The following C2CD3 variants were observed in gnomAD, a reference collection of about 807,000 sequenced individuals.
C2CD3 encodes C2 domain containing 3 centriole elongation regulator, also known as C2 domain-containing protein 3.
C2CD3 carries 148 observed loss-of-function variants against 234.0 expected under a neutral mutation model. That is an observed-to-expected ratio of 0.63 (90% CI 0.55 to 0.72). The LOEUF is 0.72. Ranked by LOEUF, C2CD3 falls within the 30% of genes least tolerant of loss-of-function variation. The pLI, the probability that C2CD3 is intolerant of heterozygous loss-of-function variation, is 0.00. For missense variants in C2CD3, 2,577 were observed against 2,811.5 expected, an observed-to-expected ratio of 0.92 and a Z score of 1.89; for synonymous variants, 1,000 against 1,035.4, an observed-to-expected ratio of 0.97 and a Z score of 0.66.
chr11:74,093,799 G>A lies in C2CD3; in HGVS notation c.3344+17C>T. On this transcript the variant is annotated intron_variant, in intron 18 of 32. Transcript: ENST00000334126. ...CACTTCCTTCCTAGGCATAGGACTGGGGTCTCCACACTGTACCTGCACCAG... is the reference window on the plus strand; with the variant it reads ...CACTTCCTTCCTAGGCATAGGACTGAGGTCTCCACACTGTACCTGCACCAG... 6.2e-7 allele frequency: 1 copy of A among 1,607,624 alleles called. No homozygotes were observed. The highest frequency in any genetic ancestry group is 8.5e-7 in the Non-Finnish European group (1 of 1,175,092).
chr11:74,017,105 G>A (rs1951907833), intron 32 of C2CD3, among the ~76,000 whole-genome samples: 2 of 152,312 alleles, frequency 1.3e-5, no homozygotes, highest in South Asian at 2.1e-4. Flanking sequence ...TGAGCTGCAG[G>A]TATGGAGAAC....
chr11:74,041,047 TG>T (rs1300747129), intron 29 of C2CD3, among the ~76,000 whole-genome samples: 1 of 151,896 alleles, frequency 6.6e-6, no homozygotes, highest in Non-Finnish European at 1.5e-5. Flanking sequence ...GAAATCTGTA[TG>T]GGTAACTTTT....
Position 74,101,990 on chromosome 11 carries a change from C to G in C2CD3, c.2580+1141G>C, listed in dbSNP as rs368442425. ...CATTCTCATTGGTGCATAAAGGAGG[C>G]AATGGACATAAAGAGAGCTGGGAAA... On this transcript the variant is annotated intron_variant, in intron 14 of 32. Transcript: ENST00000334126. Among the ~76,000 whole-genome samples the G allele has an allele frequency of 6.6e-5, 10 of 151,892 alleles. No individual in the cohort carries two copies. The South Asian group carries it at 2.1e-3, about 32-fold the overall frequency.
intron 32 of C2CD3, among the ~76,000 whole-genome samples, chr11:74,018,943 C>A (rs1951977647): frequency 6.6e-6 from 1 of 152,172 alleles, no homozygotes; most frequent in African/African-American, 2.4e-5. Context: ...TCTCCTTACT[C>A]CAAGAAGCCT....
At position 74,013,448 on chromosome 11, in the gene C2CD3, C is replaced by T; in HGVS notation, c.6999G>A (p.Leu2333=). 2.8e-6 allele frequency: 4 copies of T among 1,426,932 alleles called. No homozygotes were observed. Among genetic ancestry groups the T allele is most frequent in the Admixed American group, 2.9e-5 (1 of 34,734 alleles). The allele number at this position is 1,426,932 out of a possible 1,614,324, so 88.4% of individuals were successfully genotyped here. The change falls in exon 33 of 33, where the codon CTG becomes CTA. Residue 2333 remains leucine (L), a synonymous_variant. Coordinates refer to ENST00000334126, the MANE Select transcript of C2CD3 (RefSeq NM_001286577.2). The part of the protein sequence containing the change: ...RPRPNSLPLN[L]PEEETLRIAR... ...CAATCCTGAGAGTTTCTTCCTCAGG[C>T]AGGTTGAGGGGGAGCGAGTTAGGTC...
At chr11:74,017,690 A>G (rs1442949869) in intron 32 of C2CD3, among the ~76,000 whole-genome samples, 1 of 152,206 alleles carries the variant, frequency 6.6e-6, no homozygotes, top group Non-Finnish European at 1.5e-5. Context: ...GATCAGGATG[A>G]GCAGATAATG....
At chr11:74,044,819 G>A (rs1953279176) in intron 28 of C2CD3, among the ~76,000 whole-genome samples, 1 of 151,194 alleles carries the variant, frequency 6.6e-6, no homozygotes, top group African/African-American at 2.4e-5. Context: ...TTGGTTTTCT[G>A]TTCTTGTGTT....
chr11:74,123,261 T>A, intron 7 of C2CD3, 126 bp from the exon 8 acceptor site: 1 of 655,592 alleles, frequency 1.5e-6, no homozygotes. Flanking sequence ...AGACTCACAT[T>A]AAACAAAAGA....
intron 3 of C2CD3, among the ~76,000 whole-genome samples, chr11:74,148,634 C>T (rs1855380336): frequency 6.6e-6 from 1 of 152,028 alleles, no homozygotes; most frequent in South Asian, 2.1e-4. Flanking sequence ...TGGAATACAA[C>T]AAAGCTTCCT....
At chr11:74,161,661 A>T (rs1856479421) in intron 2 of C2CD3, 105 bp from the exon 3 acceptor site, 2 of 642,000 alleles carry the variant, frequency 3.1e-6, no homozygotes. Flanking sequence ...AACTTGAAAA[A>T]AAATATTTTA....
At chr11:74,089,854 G>A (rs1458831153) in intron 20 of C2CD3, among the ~76,000 whole-genome samples, 11 of 152,166 alleles carry the variant, frequency 7.2e-5, no homozygotes, top group South Asian at 4.1e-4. Context: ...CTGCCTACAC[G>A]TACAAAGAAA....
At chr11:74,113,951 G>A in intron 10 of C2CD3, 59 bp from the exon 11 acceptor site, 1 of 1,025,346 alleles carries the variant, frequency 9.8e-7, no homozygotes, top group Non-Finnish European at 1.4e-6. Flanking sequence ...ATTTCCGTCT[G>A]ATAAATCCAA....
chr11:74,031,392 C>T (rs557479061), intron 31 of C2CD3, among the ~76,000 whole-genome samples: 1 of 152,358 alleles, frequency 6.6e-6, no homozygotes, highest in South Asian at 2.1e-4. Context: ...CCACAGGCAG[C>T]CTCCTTCACC....
chr11:74,017,297 C>T (rs983766932), intron 32 of C2CD3, among the ~76,000 whole-genome samples: 5 of 152,168 alleles, frequency 3.3e-5, no homozygotes, highest in African/African-American at 1.2e-4. Flanking sequence ...AACTGGCTTT[C>T]CTGTGGACCG....
At chr11:74,164,515 A>T (rs1230664850) in intron 2 of C2CD3, among the ~76,000 whole-genome samples, 1 of 152,184 alleles carries the variant, frequency 6.6e-6, no homozygotes, top group Non-Finnish European at 1.5e-5. Flanking sequence ...ACCTTGGGTT[A>T]GTTACTTTTA....
chr11:74,075,852 T>C (rs1955011803), intron 23 of C2CD3, among the ~76,000 whole-genome samples: 4 of 152,208 alleles, frequency 2.6e-5, no homozygotes, highest in South Asian at 4.1e-4. Flanking sequence ...GATGGATGGC[T>C]TGACGCATTC....
chr11:74,060,712 C>T (rs1193926876), intron 24 of C2CD3, among the ~76,000 whole-genome samples: 1 of 152,202 alleles, frequency 6.6e-6, no homozygotes, highest in African/African-American at 2.4e-5. Context: ...CAGAGCGCCT[C>T]TCCTCCTCCA....
Position 74,093,844 on chromosome 11 carries a change from C to T in C2CD3, c.3316G>A (p.Gly1106Ser), listed in dbSNP as rs751342380. 1.2e-6 allele frequency: 2 copies of T among 1,614,008 alleles called. No individual in the cohort carries two copies. The highest frequency in any genetic ancestry group is 1.7e-6 in the Non-Finnish European group (2 of 1,179,914). Residue 1106 changes from glycine to serine, a missense_variant, in exon 18 of 33, where the codon GGT (glycine) becomes AGT (serine). By Grantham distance (56) the Gly-to-Ser change is moderately conservative (BLOSUM62 0). Transcript: ENST00000334126. ...AFSAQGLVPG[G>S]GVQFEIWCRY... ...CACCAGATTTCAAACTGGACTCCAC[C>T]TCCAGGCACGAGGCCCTGTGCAGAG...
intron 16 of C2CD3, 99 bp downstream of exon 16, chr11:74,097,910 G>A: frequency 5.0e-6 from 6 of 1,191,924 alleles, no homozygotes; most frequent in Non-Finnish European, 7.1e-6. Context: ...CTTTTGTTGA[G>A]CCTTTCATTA....
Sources: gnomAD v4.1 joint callset for allele counts (sites outside exome capture counted in the v4.1 genomes callset) on GRCh38, gnomAD v4.1.1 for gene constraint, MANE v1.5 for transcripts, NCBI Gene and HGNC (gene_info 2026-07-23, HGNC 2026-07-21) for gene names.